The following MYO1D variants were observed in gnomAD, a reference collection of about 807,000 sequenced individuals.
MYO1D encodes the protein unconventional myosin-Id.
Under a neutral mutation model 122.0 loss-of-function variants are expected in MYO1D, and 83 were observed. The observed-to-expected ratio is 0.68, with a 90% CI of 0.57 to 0.82. The LOEUF is 0.82. Ranked by LOEUF, MYO1D falls within the 40% of genes least tolerant of loss-of-function variation. The pLI, the probability that MYO1D is intolerant of heterozygous loss-of-function variation, is 0.00. For missense variants in MYO1D, 1,157 were observed against 1,269.5 expected, an observed-to-expected ratio of 0.91 and a Z score of 1.35; for synonymous variants, 464 against 446.9, an observed-to-expected ratio of 1.04 and a Z score of -0.48.
At chr17:32,650,270 T>C (rs1168653268) in intron 19 of MYO1D, among the ~76,000 whole-genome samples, 2 of 152,248 alleles carry the variant, frequency 1.3e-5, no homozygotes, top group Admixed American at 1.3e-4. Context: ...CTTACTTGCA[T>C]TGCTTCTGAC....
At chr17:32,760,837 T>G (rs1479142269) in intron 8 of MYO1D, among the ~76,000 whole-genome samples, 1 of 152,200 alleles carries the variant, frequency 6.6e-6, no homozygotes, top group Non-Finnish European at 1.5e-5. Context: ...GCTTGTATTT[T>G]TAAAAGATTA....
At chr17:32,664,018 T>C (rs2088605223) in intron 16 of MYO1D, among the ~76,000 whole-genome samples, 1 of 152,228 alleles carries the variant, frequency 6.6e-6, no homozygotes, top group Admixed American at 6.5e-5. Context: ...TTGATATTTG[T>C]TAATCTTACA....
At chr17:32,868,045 G>T (rs1050163842) in intron 1 of MYO1D, among the ~76,000 whole-genome samples, 1 of 151,992 alleles carries the variant, frequency 6.6e-6, no homozygotes, top group East Asian at 1.9e-4. Flanking sequence ...TCTTAAATAT[G>T]AATATATTTC....
chr17:32,811,463 C>G (rs1266311060), intron 1 of MYO1D, among the ~76,000 whole-genome samples: 1 of 152,154 alleles, frequency 6.6e-6, no homozygotes, highest in East Asian at 1.9e-4. Flanking sequence ...AGTTGATTTT[C>G]TACAGTACTT....
intron 6 of MYO1D, 41 bp from the exon 7 acceptor site, chr17:32,767,793 T>C: frequency 2.1e-6 from 3 of 1,396,656 alleles, no homozygotes; most frequent in Middle Eastern, 3.5e-4. Context: ...AGATATTTCC[T>C]ATGAGCATTA....
At chr17:32,561,688 C>CAAAAA (rs60531756) in intron 21 of MYO1D, among the ~76,000 whole-genome samples, 1 of 71,782 alleles carries the variant, frequency 1.4e-5, no homozygotes, top group African/African-American at 5.4e-5. Context: ...GGCTCTGTCT[C>CAAAAA]AAAAAAAAAA....
chr17:32,744,521 G>A (rs1350129470), intron 13 of MYO1D, among the ~76,000 whole-genome samples: 1 of 152,148 alleles, frequency 6.6e-6, no homozygotes, highest in Non-Finnish European at 1.5e-5. Context: ...GAACATAGAA[G>A]AAAGTGTGCC....
chr17:32,646,385 C>A (rs1358685382), intron 19 of MYO1D, among the ~76,000 whole-genome samples: 1 of 152,088 alleles, frequency 6.6e-6, no homozygotes, highest in Admixed American at 6.5e-5. Flanking sequence ...AAGAGCATTG[C>A]TTGAGCCCGG....
At chr17:32,539,178 A>C (rs570220189) in intron 21 of MYO1D, among the ~76,000 whole-genome samples, 8 of 151,978 alleles carry the variant, frequency 5.3e-5, no homozygotes, top group Admixed American at 4.6e-4. Flanking sequence ...TCTGTGGCTC[A>C]TGCCTGTAAT....
chr17:32,505,009 G>C (rs1909452728), intron 21 of MYO1D: 1 of 152,714 alleles, frequency 6.5e-6, no homozygotes, highest in African/African-American at 2.4e-5. Context: ...CCTCAGCCCA[G>C]ACCCTTTTCT....
intron 4 of MYO1D, among the ~76,000 whole-genome samples, chr17:32,774,274 C>T (rs1294631990): frequency 6.6e-6 from 1 of 152,232 alleles, no homozygotes; most frequent in Non-Finnish European, 1.5e-5. Context: ...ATTGTATACT[C>T]ATCTAAGAAT....
Position 32,699,927 on chromosome 17 carries a change from C to T in MYO1D, c.2121+12061G>A, listed in dbSNP as rs189490598. 3.1e-4 allele frequency among the ~76,000 whole-genome samples: 47 copies of T among 151,998 alleles called. No homozygotes were observed. The East Asian group carries it at 8.3e-3, about 27-fold the overall frequency. ...GCCCTAAAGTAAACCTCAATAAATTCCAGAAAGTAGAAATGGAACATTTAA... is the reference window on the plus strand; with the variant it reads ...GCCCTAAAGTAAACCTCAATAAATTTCAGAAAGTAGAAATGGAACATTTAA... On this transcript the variant is annotated intron_variant, in intron 16 of 21. Transcript: ENST00000318217.
At chr17:32,843,110 G>A (rs1232361682) in intron 1 of MYO1D, among the ~76,000 whole-genome samples, 1 of 151,814 alleles carries the variant, frequency 6.6e-6, no homozygotes, top group Non-Finnish European at 1.5e-5. Context: ...GGCTGGTCTC[G>A]AACTCCTGAC....
At chr17:32,617,425 A>G (rs1159900029) in intron 20 of MYO1D, among the ~76,000 whole-genome samples, 2 of 152,094 alleles carry the variant, frequency 1.3e-5, no homozygotes, top group Non-Finnish European at 2.9e-5. Flanking sequence ...AGCAGAGAGA[A>G]GCCACCTGCT....
Position 32,605,176 on chromosome 17 carries a change from T to G in MYO1D, c.2775A>C (p.Lys925Asn). 6.2e-7 allele frequency: 1 copy of G among 1,610,054 alleles called. No individual in the cohort carries two copies. Among genetic ancestry groups the G allele is most frequent in the Non-Finnish European group, 8.5e-7 (1 of 1,176,846 alleles). Residue 925 changes from lysine (K) to asparagine (N), a missense_variant, in exon 21 of 22, where the codon AAA (lysine) becomes AAC (asparagine). Transcript: ENST00000318217. ...QLVVFHTKDN[K>N]DLIVCLFSKQ... ...TGCTGAAGAGGCAGACAATGAGGTC[T>G]TTGTTGTCTTTCGTATGGAACACTA... is the stretch of plus-strand genomic sequence containing the variant.
intron 21 of MYO1D, among the ~76,000 whole-genome samples, chr17:32,549,072 T>C (rs1403831872): frequency 6.6e-6 from 1 of 152,134 alleles, no homozygotes; most frequent in African/African-American, 2.4e-5. Context: ...AAAAAATATA[T>C]GTTACACAAA....
chr17:32,558,828 A>G (rs1379893506), intron 21 of MYO1D, among the ~76,000 whole-genome samples: 1 of 152,250 alleles, frequency 6.6e-6, no homozygotes, highest in East Asian at 1.9e-4. Flanking sequence ...TGCTGGAGCC[A>G]GACTGTCTGA....
At chr17:32,775,764 T>G in intron 4 of MYO1D, 100 bp downstream of exon 4, 1 of 1,033,434 alleles carries the variant, frequency 9.7e-7, no homozygotes, top group Non-Finnish European at 1.4e-6. Context: ...GAGAATAGGA[T>G]TTAAAGCTAT....
chr17:32,689,923 A>C (rs1428208597), intron 16 of MYO1D, among the ~76,000 whole-genome samples: 1 of 151,830 alleles, frequency 6.6e-6, no homozygotes, highest in Non-Finnish European at 1.5e-5. Context: ...ATGGGGTTTC[A>C]CCACGTTGGT....
Sources: allele counts gnomAD v4.1 joint callset (sites outside exome capture counted in the v4.1 genomes callset), GRCh38; gene constraint gnomAD v4.1.1; transcripts MANE v1.5; gene names NCBI Gene and HGNC (gene_info 2026-07-23, HGNC 2026-07-21).